The following FLNC variants were observed in gnomAD, a reference collection of about 807,000 sequenced individuals.
FLNC encodes filamin C, also known as filamin-C.
A neutral mutation model predicts 254.3 loss-of-function variants in FLNC; 91 were observed. The ratio of observed to expected loss-of-function variants is 0.36; its 90% CI spans 0.30 to 0.43. The LOEUF (loss-of-function observed/expected upper bound fraction) is 0.43. Ranked by LOEUF, FLNC falls within the 20% of genes least tolerant of loss-of-function variation. The pLI is 1.00. For synonymous variants in FLNC, 1,430 were observed against 1,577.2 expected (o/e 0.91, Z 2.21); for missense variants, 2,853 against 3,802.6 (o/e 0.75, Z 6.57).
intron 1 of FLNC, among the ~76,000 whole-genome samples, chr7:128,831,914 T>A (rs1450357196): frequency 1.3e-5 from 2 of 152,130 alleles, no homozygotes. Flanking sequence ...TCCCTGAGGC[T>A]GGGGGCCTGG....
At chr7:128,849,644 C>T in intron 30 of FLNC, 66 bp downstream of exon 30, 1 of 1,577,852 alleles carries the variant, frequency 6.3e-7, no homozygotes, top group South Asian at 1.1e-5. Flanking sequence ...TTAGCAGCAG[C>T]AGGGATCCCA....
Position 128,846,764 on chromosome 7 carries a change from C to T in FLNC, c.4147C>T (p.Leu1383Phe). Residue 1383 changes from leucine (L) to phenylalanine (F), a missense_variant, in exon 24 of 48, where the codon CTT becomes TTT. Coordinates refer to ENST00000325888, the MANE Select transcript of FLNC (RefSeq NM_001458.5). The part of the protein sequence containing the change: ...VETRGAGTGG[L>F]GLAIEGPSEA... ...TCTCAGGGGAGCGGGCACCGGGGGCCTTGGCCTAGCCATCGAGGGTCCCTC... is the reference window on the plus strand; with the variant it reads ...TCTCAGGGGAGCGGGCACCGGGGGCTTTGGCCTAGCCATCGAGGGTCCCTC... The T allele has an allele frequency of 6.2e-7, 1 of 1,614,120 alleles. No individual in the cohort carries two copies. Among genetic ancestry groups the T allele is most frequent in the Non-Finnish European group, 8.5e-7 (1 of 1,180,008 alleles).
At position 128,844,215 on chromosome 7, in the gene FLNC, G is replaced by C. The variant is rs1554399057; in HGVS notation, c.3141G>C (p.Val1047=). Residue 1047 remains valine, a synonymous_variant, in exon 20 of 48, where the codon GTG becomes GTC. Coordinates refer to ENST00000325888, the MANE Select transcript of FLNC (RefSeq NM_001458.5). The part of the protein sequence containing the change: ...KVDITYDGHP[V]PGSPFAVEGV... ...ATATCACCTACGATGGTCACCCGGT[G>C]CCTGGCAGCCCGTTTGCTGTGGAGG... 6.2e-7 allele frequency: 1 copy of C among 1,612,192 alleles called. No individual in the cohort carries two copies. The highest frequency in any genetic ancestry group is 1.3e-5 in the African/African-American group (1 of 75,050).
At position 128,842,917 on chromosome 7, in the gene FLNC, C is replaced by G. The variant is rs775085661; in HGVS notation, c.2513C>G (p.Ala838Gly). Reference protein sequence around the residue: ...TFTVKYTPPGAGRYTIMVLFA... With the variant: ...TFTVKYTPPGGGRYTIMVLFA... ...ACCGTCAAGTACACGCCACCAGGGG[C>G]GGGCCGCTACACCATCATGGTGCTG... The change falls in exon 16 of 48, where the codon GCG becomes GGG. Residue 838 changes from alanine (A) to glycine (G), a missense_variant. Ala to Gly is a moderately conservative substitution (Grantham distance 60). This residue lies in a region of FLNC where 1,573 missense variants were observed against 1,883.5 expected (regional missense o/e 0.84). Coordinates refer to ENST00000325888, the MANE Select transcript of FLNC (RefSeq NM_001458.5). The surrounding 1 kb of genome is among the most constrained non-coding windows in gnomAD (Gnocchi z 5.4). The G allele has an allele frequency of 5.6e-6, 9 of 1,614,016 alleles. No homozygotes were observed. Among genetic ancestry groups the G allele is most frequent in the South Asian group, 1.1e-5 (1 of 91,086 alleles).
Position 128,849,958 on chromosome 7 carries a change from C to T in FLNC, c.5200-18C>T, listed in dbSNP as rs372184893. The T allele has an allele frequency of 1.3e-4, 196 of 1,557,262 alleles. No homozygotes were observed. The African/African-American group carries it at 1.9e-3, about 15-fold the overall frequency. On this transcript the variant is annotated intron_variant, in intron 30 of 47. Transcript: ENST00000325888. ...GTGAGGCTGCCACACCCTGTGCCCC[C>T]GTGCCTTGCCTCCCCAGGCGTGTGA...
In FLNC at chr7:128,842,250, T is replaced by C. The variant is rs1554398541; in HGVS notation, c.2141T>C (p.Ile714Thr). 3 of 1,613,608 alleles carry C rather than the reference T, an allele frequency of 1.9e-6. No individual in the cohort carries two copies. The highest frequency in any genetic ancestry group is 2.5e-6 in the Non-Finnish European group (3 of 1,180,018). ...CCACAGGACGCCGACGGCTGTCCCATCGACATCAAGGTGATCCCCAACGGC... is the reference window on the plus strand; with the variant it reads ...CCACAGGACGCCGACGGCTGTCCCACCGACATCAAGGTGATCCCCAACGGC... ...LYAQDADGCP[I>T]DIKVIPNGDG... The change falls in exon 14 of 48, where the codon ATC becomes ACC. Residue 714 changes from isoleucine to threonine, a missense_variant. Transcript: ENST00000325888. This position sits in a 1 kb window ranked among gnomAD's most constrained non-coding sequence, Gnocchi z 5.4.
chr7:128,834,321 C>CA (rs1554397033), intron 1 of FLNC, among the ~76,000 whole-genome samples: 1 of 146,824 alleles, frequency 6.8e-6, no homozygotes, highest in African/African-American at 2.7e-5. Flanking sequence ...GCCCCCCCCC[C>CA]CCAAATCTTG....
intron 23 of FLNC, 129 bp from the exon 24 acceptor site, chr7:128,846,616 C>A (rs1808580055): frequency 7.4e-7 from 1 of 1,350,386 alleles, no homozygotes; most frequent in Middle Eastern, 2.0e-4. Context: ...AGATTGGCCC[C>A]TGTAGCTCGT....
chr7:128,858,510 T>G lies in FLNC; in HGVS notation c.8165T>G (p.Val2722Gly). 6.2e-7 allele frequency: 1 copy of G among 1,613,148 alleles called. No homozygotes were observed. Among genetic ancestry groups the G allele is most frequent in the East Asian group, 2.2e-5 (1 of 44,866 alleles). The change falls in exon 48 of 48, where the codon GTC (valine) becomes GGC (glycine). Residue 2722 changes from valine (V) to glycine (G), a missense_variant. By Grantham distance (109) the Val-to-Gly change is moderately radical. Around this residue, in one of 10 missense-constraint regions of FLNC, gnomAD observed 197 missense variants for 351.5 expected, o/e 0.56. Coordinates refer to ENST00000325888, the MANE Select transcript of FLNC (RefSeq NM_001458.5). The surrounding 1 kb of genome is among the most constrained non-coding windows in gnomAD (Gnocchi z 6.7). Reference sequence around the variant, plus strand: ...AGTGTCCCTGGAAGCCCCTTCAAAGTCAAGGTCCCTTGAATCCCAAAAGTG... The same window carrying G: ...AGTGTCCCTGGAAGCCCCTTCAAAGGCAAGGTCCCTTGAATCCCAAAAGTG... ...DESVPGSPFK[V>G]KVP
chr7:128,851,239 C>T lies in FLNC; in HGVS notation c.5547C>T (p.Pro1849=). The T allele has an allele frequency of 6.2e-7, 1 of 1,614,074 alleles. No homozygotes were observed. The highest frequency in any genetic ancestry group is 8.5e-7 in the Non-Finnish European group (1 of 1,180,022). Residue 1849 remains proline, a synonymous_variant, in exon 34 of 48, where the codon CCC becomes CCT. Transcript: ENST00000325888. ...KYDGNHIPGS[P]LQFYVDAINS... ...TTTTCTCTGTATCCCCAGGGAGCCC[C>T]TTACAGTTCTATGTGGATGCCATCA...
At position 128,848,695 on chromosome 7, in the gene FLNC, G is replaced by A. The variant is rs767565171; in HGVS notation, c.4715G>A (p.Gly1572Glu). Residue 1572 changes from glycine (G) to glutamate (E), a missense_variant, in exon 27 of 48, where the codon GGG becomes GAG. Physicochemically the swap from Gly to Glu is moderately conservative, Grantham distance 98. This residue lies in a region of FLNC where 1,573 missense variants were observed against 1,883.5 expected (regional missense o/e 0.84). Coordinates refer to ENST00000325888, the MANE Select transcript of FLNC (RefSeq NM_001458.5). ...FTIDARDAGE[G>E]LLTVQILDPE... is the part of the protein sequence containing the mutation. ...ATCGACGCACGGGACGCGGGCGAGG[G>A]GTTGCTCACTGTCCAGATCTTGGTG... is the stretch of plus-strand genomic sequence containing the variant. 1 of 1,613,548 alleles carries A rather than the reference G, an allele frequency of 6.2e-7. No individual in the cohort carries two copies.
chr7:128,831,111 TAG>T (rs1472867864), intron 1 of FLNC, 122 bp downstream of exon 1: 1 of 874,336 alleles, frequency 1.1e-6, no homozygotes, highest in East Asian at 2.7e-5. Context: ...CCCCCCGGTA[TAG>T]AGAGAAGACC....
Position 128,840,906 on chromosome 7 carries a change from T to C in FLNC, c.1749T>C (p.Thr583=), listed in dbSNP as rs781196373. ...KVRAWGPGLE[T]GQVGKSADFV... ...GGGCCTGGGGTCCTGGTTTGGAGAC[T>C]GGCCAGGTGGGCAAGTCAGCCGATT... Residue 583 remains threonine (T), a synonymous_variant, in exon 11 of 48, where the codon ACT becomes ACC. Transcript: ENST00000325888. 1.9e-6 allele frequency: 3 copies of C among 1,612,740 alleles called. No homozygotes were observed. In the Admixed American group the frequency reaches 5.0e-5, roughly 27 times the overall value.
At position 128,851,888 on chromosome 7, in the gene FLNC, G is replaced by C. The variant is rs3778758; in HGVS notation, c.5842+260G>C. ...ATTTGTTTTGTTTTTGTTTTTGAGA[G>C]GGAGTCTTGCTCTGTCACCCAGGCT... On this transcript the variant is annotated intron_variant, in intron 35 of 47. Coordinates refer to ENST00000325888, the MANE Select transcript of FLNC (RefSeq NM_001458.5). Among the ~76,000 whole-genome samples, 24,610 of 152,186 alleles carry C rather than the reference G, an allele frequency of 0.16. 3,668 individuals are homozygous for C. The highest frequency in any genetic ancestry group is 0.38 in the African/African-American group (15,783 of 41,506).
chr7:128,837,296 G>A (rs1808132428), intron 3 of FLNC, 39 bp downstream of exon 3: 1 of 1,576,792 alleles, frequency 6.3e-7, no homozygotes, highest in Non-Finnish European at 8.7e-7. Flanking sequence ...AGGGGGCAGG[G>A]GCAGAGGTTG....
chr7:128,855,210 G>T lies in FLNC; in HGVS notation c.7147G>T (p.Val2383Phe). The T allele has an allele frequency of 1.2e-6, 2 of 1,611,526 alleles. No homozygotes were observed. Among genetic ancestry groups the T allele is most frequent in the Non-Finnish European group, 1.7e-6 (2 of 1,177,782 alleles). ...YVVQEPGDYE[V>F]SIKFNDEHIP... ...GTCTCTCTCCCCAGGTGACTATGAG[G>T]TCTCCATCAAGTTCAATGATGAGCA... Residue 2383 changes from valine to phenylalanine, a missense_variant, in exon 43 of 48, where the codon GTC becomes TTC. Physicochemically the swap from Val to Phe is conservative, Grantham distance 50. Transcript: ENST00000325888.
In FLNC at chr7:128,856,051, G is replaced by A. The variant is rs373681481; in HGVS notation, c.7252-467G>A. On this transcript the variant is annotated intron_variant, in intron 43 of 47. Transcript: ENST00000325888. The surrounding 1 kb of genome is among the most constrained non-coding windows in gnomAD (Gnocchi z 5.9). ...CTCCCACTCCTGAACTGGGCTCCCC[G>A]ATGCAGGCTCCAATCCCTCCCCCAG... is the stretch of plus-strand genomic sequence containing the variant. Among the ~76,000 whole-genome samples, 186 of 152,212 alleles carry A rather than the reference G, an allele frequency of 1.2e-3. No individual in the cohort carries two copies. The highest frequency in any genetic ancestry group is 4.3e-3 in the African/African-American group (177 of 41,524).
At position 128,843,276 on chromosome 7, in the gene FLNC, T is replaced by G; in HGVS notation, c.2598T>G (p.Asp866Glu). ...PFHIKVDPSH[D>E]ASKVKAEGPG... ...ACATCAAGGTGGACCCATCCCACGATGCCAGCAAAGTCAAGGCCGAGGGCC... is the reference window on the plus strand; with the variant it reads ...ACATCAAGGTGGACCCATCCCACGAGGCCAGCAAAGTCAAGGCCGAGGGCC... Residue 866 changes from aspartate to glutamate, a missense_variant, in exon 17 of 48, where the codon GAT becomes GAG. Asp to Glu is a conservative substitution (Grantham distance 45, BLOSUM62 2). Coordinates refer to ENST00000325888, the MANE Select transcript of FLNC (RefSeq NM_001458.5). 2 of 1,611,908 alleles carry G rather than the reference T, an allele frequency of 1.2e-6. No individual in the cohort carries two copies. The highest frequency in any genetic ancestry group is 1.7e-6 in the Non-Finnish European group (2 of 1,178,998).
rs753700851 is a variant in FLNC, at chr7:128,840,017, C to T, written c.1412-6C>T. ...ACCCCCAACCTCCTTTCTCTTCCTC[C>T]CCTAGCCTGTAACCCCAACGCCTGC... is the stretch of plus-strand genomic sequence containing the variant. On this transcript the variant is annotated splice_polypyrimidine_tract_variant and splice_region_variant and intron_variant, in intron 8 of 47. Coordinates refer to ENST00000325888, the MANE Select transcript of FLNC (RefSeq NM_001458.5). 6.8e-6 allele frequency: 11 copies of T among 1,612,752 alleles called. No individual in the cohort carries two copies. The highest frequency in any genetic ancestry group is 9.3e-6 in the Non-Finnish European group (11 of 1,179,986).
Sources: gnomAD v4.1 joint callset for allele counts (sites outside exome capture counted in the v4.1 genomes callset) on GRCh38, gnomAD v4.1.1 for gene constraint, gnomAD v4.1.1 regional missense constraint, Gnocchi (gnomAD v3.1) non-coding constraint, MANE v1.5 for transcripts, NCBI Gene and HGNC (gene_info 2026-07-23, HGNC 2026-07-21) for gene names.